Variants in FMO3 observed in about 807,000 individuals in gnomAD.
The protein encoded by FMO3 is flavin containing dimethylaniline monoxygenase 3, also known as flavin-containing monooxygenase 3.
In FMO3, 40 loss-of-function variants were observed where a neutral mutation model predicts 39.4. The observed-to-expected ratio is 1.02, with a 90% confidence interval of 0.79 to 1.32. The LOEUF is 1.32. Ranked by LOEUF, FMO3 falls within the 40% of genes most tolerant of loss-of-function variation. FMO3 has a pLI of 0.00. For synonymous variants in FMO3, 219 were observed against 228.8 expected (o/e 0.96, Z 0.39); for missense variants, 680 against 651.8 (o/e 1.04, Z -0.47).
intron 5 of FMO3, among the ~76,000 whole-genome samples, chr1:171,109,335 T>C (rs141182637): frequency 5.9e-5 from 9 of 152,212 alleles, no homozygotes; most frequent in Middle Eastern, 3.4e-3. Context: ...AGGACTTGAA[T>C]GACAGGATAA....
intron 2 of FMO3, among the ~76,000 whole-genome samples, chr1:171,096,951 C>T (rs192885261): frequency 0.057 from 8,670 of 151,134 alleles, 554 homozygotes; most frequent in East Asian, 0.22. Context: ...TCCCCCCGCC[C>T]CACAACAGGC....
intron 5 of FMO3, among the ~76,000 whole-genome samples, chr1:171,108,692 T>C (rs965641920): frequency 6.6e-6 from 1 of 152,126 alleles, no homozygotes; most frequent in Admixed American, 6.6e-5. Context: ...CAGGCACACA[T>C]TTATTCAATG....
chr1:171,105,228 A>G (rs971090719), intron 3 of FMO3, among the ~76,000 whole-genome samples: 1 of 152,178 alleles, frequency 6.6e-6, no homozygotes, highest in Non-Finnish European at 1.5e-5. Context: ...AGTTATTTCA[A>G]TATTTTAGAA....
chr1:171,101,802 G>A (rs1270149636), intron 2 of FMO3: 1 of 500,528 alleles, frequency 2.0e-6, no homozygotes. Context: ...TGGGCAAAAT[G>A]TCCTCTTTTC....
intron 7 of FMO3, 102 bp from the exon 8 acceptor site, chr1:171,116,106 A>T (rs756832480): frequency 1.1e-4 from 84 of 750,322 alleles, no homozygotes; most frequent in Non-Finnish European, 1.9e-4. Context: ...GAAAATGAAC[A>T]CCAATTAATG....
At chr1:171,113,304 A>C (rs1655994784) in intron 6 of FMO3, among the ~76,000 whole-genome samples, 1 of 150,802 alleles carries the variant, frequency 6.6e-6, no homozygotes. Flanking sequence ...TCAAACTGGC[A>C]CCCTCCCTCT....
Position 171,114,054 on chromosome 1 carries a change from T to A in FMO3, c.875T>A (p.Ile292Asn). The change falls in exon 7 of 9, where the codon ATT becomes AAT. Residue 292 changes from isoleucine to asparagine, a missense_variant. Transcript: ENST00000367755. ...PVFNDELPAS[I>N]LCGIVSVKPN... is the part of the protein sequence containing the mutation. ...TTTAACGATGAGCTCCCAGCAAGCA[T>A]TCTGTGTGGCATTGTGTCCGTAAAG... 1 of 1,612,824 alleles carries A rather than the reference T, an allele frequency of 6.2e-7. No individual in the cohort carries two copies. The highest frequency in any genetic ancestry group is 8.5e-7 in the Non-Finnish European group (1 of 1,179,192).
chr1:171,096,038 TA>T lies in FMO3; in HGVS notation c.132+3249del, dbSNP rs1557933036. On this transcript the variant is annotated intron_variant, in intron 2 of 8. Transcript: ENST00000367755. The stretch of plus-strand genomic sequence containing the variant: ...ATATTATATATTAATATATAATATA[TA>T]TTATATATAAATATATAATATATAT... 2.2e-3 allele frequency among the ~76,000 whole-genome samples: 148 copies of T among 66,026 alleles called. 4 individuals carry two copies. Among genetic ancestry groups the T allele is most frequent in the African/African-American group, 0.011 (138 of 12,200 alleles). The allele number at this position is 66,026 out of a possible 152,430, so 43.3% of individuals were successfully genotyped here.
chr1:171,113,789 A>G (rs182984465), intron 6 of FMO3, among the ~76,000 whole-genome samples: 1 of 152,178 alleles, frequency 6.6e-6, no homozygotes, highest in Non-Finnish European at 1.5e-5. Context: ...GAAGAGAAGG[A>G]TCACAGAAAA....
chr1:171,113,520 A>G (rs28363579), intron 6 of FMO3, among the ~76,000 whole-genome samples: 10 of 152,236 alleles, frequency 6.6e-5, no homozygotes, highest in Non-Finnish European at 1.5e-4. Context: ...AGCTCCATGC[A>G]TATGCTAGAG....
intron 2 of FMO3, among the ~76,000 whole-genome samples, chr1:171,096,040 T>A (rs1448625887): frequency 3.2e-5 from 2 of 62,900 alleles, no homozygotes; most frequent in African/African-American, 1.6e-4. Context: ...ATAATATATA[T>A]TATATATAAA....
At chr1:171,107,460 C>T (rs996863376) in intron 3 of FMO3, among the ~76,000 whole-genome samples, 1 of 152,162 alleles carries the variant, frequency 6.6e-6, no homozygotes, top group African/African-American at 2.4e-5. Context: ...CACTCTTGTA[C>T]TCCAGAAGAT....
intron 3 of FMO3, among the ~76,000 whole-genome samples, chr1:171,106,015 CTTA>C (rs1399142534): frequency 6.6e-6 from 1 of 151,950 alleles, no homozygotes; most frequent in Admixed American, 6.6e-5. Context: ...CTTTCCAACT[CTTA>C]TTATAAAAAA....
chr1:171,114,263 G>A lies in FMO3; in HGVS notation c.1084G>A (p.Glu362Lys), dbSNP rs2066532. The A allele has an allele frequency of 6.2e-7, 1 of 1,613,912 alleles. No homozygotes were observed. The highest frequency in any genetic ancestry group is 2.2e-5 in the East Asian group (1 of 44,864). ...TAAAGGAGTATTTCCTCCTCTACTT[G>A]AGAAGTCAACCATAGCAGTGATTGG... The part of the protein sequence containing the change: ...LFKGVFPPLL[E>K]KSTIAVIGFV... The change falls in exon 7 of 9, where the codon GAG becomes AAG. Residue 362 changes from glutamate (E) to lysine (K), a missense_variant. Physicochemically the swap from Glu to Lys is moderately conservative, Grantham distance 56. Coordinates refer to ENST00000367755, the MANE Select transcript of FMO3 (RefSeq NM_001002294.3).
At chr1:171,115,076 C>T (rs748825405) in intron 7 of FMO3, among the ~76,000 whole-genome samples, 3 of 152,112 alleles carry the variant, frequency 2.0e-5, no homozygotes, top group Non-Finnish European at 4.4e-5. Flanking sequence ...GCAGATCACA[C>T]GACCAGGTAG....
chr1:171,096,283 AT>A (rs1175302275), intron 2 of FMO3, among the ~76,000 whole-genome samples: 3 of 63,678 alleles, frequency 4.7e-5, no homozygotes, highest in South Asian at 5.5e-4. Flanking sequence ...TATTATATAT[AT>A]TATATATCTA....
At chr1:171,109,822 G>A (rs137871281) in intron 5 of FMO3, among the ~76,000 whole-genome samples, 5 of 152,188 alleles carry the variant, frequency 3.3e-5, no homozygotes, top group South Asian at 4.1e-4. Context: ...GATTATAGGC[G>A]TGAGCCACCA....
chr1:171,108,049 A>T (rs1196303850), intron 4 of FMO3, 30 bp from the exon 5 acceptor site: 1 of 1,611,252 alleles, frequency 6.2e-7, no homozygotes, highest in Non-Finnish European at 8.5e-7. Context: ...TATGACTCAA[A>T]CTGCCATGTA....
intron 3 of FMO3, among the ~76,000 whole-genome samples, chr1:171,107,418 A>G (rs1655691609): frequency 6.6e-6 from 1 of 152,182 alleles, no homozygotes; most frequent in South Asian, 2.1e-4. Context: ...ATAAATTATA[A>G]TTGAATTCAC....
Sources: allele counts gnomAD v4.1 joint callset (sites outside exome capture counted in the v4.1 genomes callset), GRCh38; gene constraint gnomAD v4.1.1; transcripts MANE v1.5; gene names NCBI Gene and HGNC (gene_info 2026-07-23, HGNC 2026-07-21).